Variants in GRID1 observed in about 807,000 individuals in gnomAD.
The protein encoded by GRID1 is glutamate receptor ionotropic, delta-1.
In GRID1, 28 loss-of-function variants were observed where a neutral mutation model predicts 98.0. That is an observed-to-expected ratio of 0.29 (90% CI 0.21 to 0.39). The LOEUF is 0.39. Among genes scored for constraint, GRID1 ranks in the 10% least tolerant of loss-of-function variants. GRID1 has a pLI of 1.00. For missense variants in GRID1, 1,111 were observed against 1,340.5 expected, an observed-to-expected ratio of 0.83 and a Z score of 2.67; for synonymous variants, 553 against 538.5, an observed-to-expected ratio of 1.03 and a Z score of -0.37.
intron 5 of GRID1, among the ~76,000 whole-genome samples, chr10:85,869,476 G>T (rs558089237): frequency 6.6e-6 from 1 of 152,278 alleles, no homozygotes; most frequent in South Asian, 2.1e-4. Flanking sequence ...TGCCATAAAA[G>T]GTCATGGTAG....
chr10:86,109,971 CTTTTTTTT>C (rs56917207), intron 4 of GRID1, among the ~76,000 whole-genome samples: 1 of 121,056 alleles, frequency 8.3e-6, no homozygotes, highest in Non-Finnish European at 1.7e-5. Context: ...CTCTGCCATT[CTTTTTTTT>C]TTTTTTTTTT....
chr10:86,163,998 C>T (rs2131988363), intron 3 of GRID1, among the ~76,000 whole-genome samples: 1 of 152,284 alleles, frequency 6.6e-6, no homozygotes, highest in East Asian at 1.9e-4. Context: ...GAGGCCCCTG[C>T]ACCACCCGGT....
At chr10:85,774,722 A>G (rs952283465) in intron 8 of GRID1, among the ~76,000 whole-genome samples, 1,606 of 151,232 alleles carry the variant, frequency 0.011, 30 homozygotes, top group African/African-American at 0.037. Flanking sequence ...AACACATGAA[A>G]AAATGCTCAC....
intron 4 of GRID1, among the ~76,000 whole-genome samples, chr10:86,050,895 T>TA (rs34448773): frequency 0.083 from 10,680 of 129,164 alleles, 993 homozygotes; most frequent in African/African-American, 0.24. Context: ...GAAAAAAAGT[T>TA]AAAAAAAAAA....
At chr10:85,637,928 G>C (rs1328426235) in intron 13 of GRID1, among the ~76,000 whole-genome samples, 1 of 152,112 alleles carries the variant, frequency 6.6e-6, no homozygotes, top group Non-Finnish European at 1.5e-5. Flanking sequence ...TTAAGTCTGG[G>C]ACTTCATATT....
intron 4 of GRID1, among the ~76,000 whole-genome samples, chr10:85,922,557 C>T (rs1486844124): frequency 6.6e-6 from 1 of 152,220 alleles, no homozygotes; most frequent in East Asian, 1.9e-4. Context: ...GGAACATTCC[C>T]CCCGTGAAGC....
chr10:86,261,562 CCCAAGCCAGGGGCGTTTTCCTCTT>C (rs1847015821), intron 2 of GRID1, among the ~76,000 whole-genome samples: 1 of 152,184 alleles, frequency 6.6e-6, no homozygotes. Flanking sequence ...ATATTCCTGC[CCCAAGCCAGGGGCGTTTTCCTCTT>C]CCAACCTCTT....
intron 6 of GRID1, among the ~76,000 whole-genome samples, chr10:85,865,918 T>TATATATATATATATACAC (rs1554836179): frequency 1.1e-5 from 1 of 94,534 alleles, no homozygotes; most frequent in Non-Finnish European, 2.1e-5. Context: ...TATACATATA[T>TATATATATATATATACAC]ATATATATAT....
chr10:85,604,665 T>C (rs558025665), intron 15 of GRID1, among the ~76,000 whole-genome samples: 2 of 152,348 alleles, frequency 1.3e-5, no homozygotes, highest in African/African-American at 2.4e-5. Context: ...TTGTAAAATA[T>C]AGAGCAAACC....
chr10:86,002,857 C>A (rs73342115), intron 4 of GRID1, among the ~76,000 whole-genome samples: 10,309 of 152,250 alleles, frequency 0.068, 405 homozygotes, highest in East Asian at 0.16. Flanking sequence ...TATGTCCACA[C>A]CTCATGTATT....
intron 12 of GRID1, among the ~76,000 whole-genome samples, chr10:85,689,893 T>C (rs2132608596): frequency 6.6e-6 from 1 of 152,296 alleles, no homozygotes; most frequent in East Asian, 1.9e-4. Flanking sequence ...TTCAGAAATG[T>C]AGGAGTTTAG....
At chr10:85,799,241 T>C (rs1368490013) in intron 8 of GRID1, among the ~76,000 whole-genome samples, 1 of 152,170 alleles carries the variant, frequency 6.6e-6, no homozygotes, top group East Asian at 1.9e-4. Context: ...TTGGTTACTA[T>C]TGCTTTGGGG....
At chr10:85,912,275 C>A (rs575038597) in intron 5 of GRID1, among the ~76,000 whole-genome samples, 4 of 152,290 alleles carry the variant, frequency 2.6e-5, no homozygotes, top group East Asian at 1.9e-4. Flanking sequence ...TAAAAATATT[C>A]TTTAAATACT....
intron 8 of GRID1, among the ~76,000 whole-genome samples, chr10:85,768,587 T>C (rs79579747): frequency 0.033 from 4,994 of 152,250 alleles, 128 homozygotes; most frequent in Middle Eastern, 0.048. Context: ...ATTATAAGAC[T>C]AGCCATTAAC....
intron 2 of GRID1, among the ~76,000 whole-genome samples, chr10:86,237,771 C>T (rs1223105212): frequency 6.6e-6 from 1 of 151,758 alleles, no homozygotes; most frequent in Non-Finnish European, 1.5e-5. Context: ...GTAAGACATG[C>T]CTGCTTCCCC....
intron 3 of GRID1, among the ~76,000 whole-genome samples, chr10:86,197,433 G>T (rs1003920298): frequency 1.3e-5 from 2 of 152,096 alleles, no homozygotes; most frequent in African/African-American, 4.8e-5. Flanking sequence ...GCCACATCTC[G>T]CTGGTACCCT....
At chr10:85,947,842 C>T (rs1464127460) in intron 4 of GRID1, among the ~76,000 whole-genome samples, 3 of 152,140 alleles carry the variant, frequency 2.0e-5, no homozygotes, top group Admixed American at 1.3e-4. Context: ...TTATTTTGTT[C>T]GGTCTATCCC....
intron 2 of GRID1, among the ~76,000 whole-genome samples, chr10:86,317,274 C>T (rs567649820): frequency 2.9e-4 from 44 of 152,256 alleles, no homozygotes; most frequent in African/African-American, 9.4e-4. Context: ...GGAGGGAGGC[C>T]GCACCTCCAG....
At chr10:85,776,516 G>C (rs1842332853) in intron 8 of GRID1, among the ~76,000 whole-genome samples, 1 of 152,200 alleles carries the variant, frequency 6.6e-6, no homozygotes, top group Admixed American at 6.5e-5. Context: ...CCTCTCCAGG[G>C]AAGTGGCAAG....
Sources: gnomAD v4.1 joint callset for allele counts (sites outside exome capture counted in the v4.1 genomes callset) on GRCh38, gnomAD v4.1.1 for gene constraint, MANE v1.5 for transcripts, NCBI Gene and HGNC (gene_info 2026-07-23, HGNC 2026-07-21) for gene names.